NIN: variants seen among roughly 807,000 people sequenced by gnomAD.
The protein encoded by NIN is ninein.
Under a neutral mutation model 257.6 loss-of-function variants are expected in NIN, and 137 were observed. That is an observed-to-expected ratio of 0.53 (90% CI 0.46 to 0.61). The LOEUF (loss-of-function observed/expected upper bound fraction) is 0.61. Ranked by LOEUF, NIN falls within the 20% of genes least tolerant of loss-of-function variation. The pLI, the probability that NIN is intolerant of heterozygous loss-of-function variation, is 0.00. For synonymous variants in NIN, 918 were observed against 919.8 expected (o/e 1.00, Z 0.04); for missense variants, 2,439 against 2,501.2 (o/e 0.98, Z 0.53).
At chr14:50,818,342 C>G (rs940259193) in intron 3 of NIN, among the ~76,000 whole-genome samples, 3 of 142,842 alleles carry the variant, frequency 2.1e-5, no homozygotes, top group Non-Finnish European at 4.6e-5. Flanking sequence ...AAAAAAAACA[C>G]TGGATATAAC....
At chr14:50,798,368 C>T (rs1350508457) in intron 4 of NIN, among the ~76,000 whole-genome samples, 1 of 152,170 alleles carries the variant, frequency 6.6e-6, no homozygotes. Context: ...AACAGGGTGG[C>T]TTTGATTAGC....
At chr14:50,768,797 G>A (rs1226719387) in intron 12 of NIN, among the ~76,000 whole-genome samples, 1 of 152,218 alleles carries the variant, frequency 6.6e-6, no homozygotes, top group Non-Finnish European at 1.5e-5. Context: ...GGAGGTGGAA[G>A]AGATGGAAGA....
At position 50,757,806 on chromosome 14, in the gene NIN, T is replaced by C; in HGVS notation, c.3224A>G (p.Glu1075Gly). 1 of 1,614,186 alleles carries C rather than the reference T, an allele frequency of 6.2e-7. No individual in the cohort carries two copies. Among genetic ancestry groups the C allele is most frequent in the Non-Finnish European group, 8.5e-7 (1 of 1,180,026 alleles). ...TTTCACATTTTCCTTCACTGCCTGT[T>C]CATGAGCTCTCTGCAGGCTTAAGAG... is the stretch of plus-strand genomic sequence containing the variant. ...DVLLSLQRAH[E>G]QAVKENVKMA... The change falls in exon 18 of 31, where the codon GAA (glutamate) becomes GGA (glycine). Residue 1075 changes from glutamate to glycine, a missense_variant. Physicochemically the swap from Glu to Gly is moderately conservative, Grantham distance 98. Transcript: ENST00000530997.
chr14:50,743,328 T>G, intron 24 of NIN, 88 bp downstream of exon 24: 1 of 860,890 alleles, frequency 1.2e-6, no homozygotes, highest in South Asian at 1.4e-5. Context: ...ACGCTACTTC[T>G]ACCTGGAACA....
Position 50,761,890 on chromosome 14 carries a change from T to C in NIN, c.1796A>G (p.Asn599Ser), listed in dbSNP as rs745515094. 1.1e-5 allele frequency: 18 copies of C among 1,614,064 alleles called. No homozygotes were observed. The highest frequency in any genetic ancestry group is 1.4e-5 in the Non-Finnish European group (17 of 1,180,028). Residue 599 changes from asparagine to serine, a missense_variant, in exon 16 of 31, where the codon AAT becomes AGT. Asn to Ser is a conservative substitution (Grantham distance 46). This residue lies in a region of NIN where 2,043 missense variants were observed against 2,050.2 expected (regional missense o/e 1.00). Coordinates refer to ENST00000530997, the MANE Select transcript of NIN (RefSeq NM_020921.4). Reference sequence around the variant, plus strand: ...TGCCTCAATGCTCATATTCAATGGATTGCATTCTTCAGAACCGAGCCCTGA... The same window carrying C: ...TGCCTCAATGCTCATATTCAATGGACTGCATTCTTCAGAACCGAGCCCTGA... ...PEHGLGSEECNPLNMSIEAEL... is the reference protein window; with the variant it reads ...PEHGLGSEECSPLNMSIEAEL...
rs1241427198 is a variant in NIN, at chr14:50,772,487, T to A, written c.814-19A>T. ...CGAAAGACTGGAAGGAGGAAGAGAC[T>A]TGAGTAAGCCTAGCTTGATTCCAGG... On this transcript the variant is annotated intron_variant, in intron 8 of 30. Transcript: ENST00000530997. The A allele has an allele frequency of 6.2e-7, 1 of 1,612,852 alleles. No homozygotes were observed. Among genetic ancestry groups the A allele is most frequent in the Admixed American group, 1.7e-5 (1 of 59,998 alleles).
chr14:50,744,279 T>C lies in NIN; in HGVS notation c.5151A>G (p.Glu1717=). The C allele has an allele frequency of 6.2e-7, 1 of 1,614,108 alleles. No homozygotes were observed. Among genetic ancestry groups the C allele is most frequent in the South Asian group, 1.1e-5 (1 of 91,080 alleles). The change falls in exon 23 of 31, where the codon GAA becomes GAG. Residue 1717 remains glutamate (E), a synonymous_variant. Transcript: ENST00000530997. ...AGCTATTTAATTCCTCACTCAGAGC[T>C]TCCTTTTCTTTCAGCAGTTTTTCGT... ...SYNEKLLKEK[E]ALSEELNSCV...
At chr14:50,787,241 T>C (rs1223377097) in intron 5 of NIN, among the ~76,000 whole-genome samples, 1 of 152,216 alleles carries the variant, frequency 6.6e-6, no homozygotes, top group Non-Finnish European at 1.5e-5. Context: ...GTGTACCCTG[T>C]TTTCAACCAG....
chr14:50,759,013 T>C (rs901571598), intron 17 of NIN, among the ~76,000 whole-genome samples: 3 of 152,236 alleles, frequency 2.0e-5, no homozygotes, highest in Non-Finnish European at 4.4e-5. Flanking sequence ...AAGCATGCGT[T>C]ATAGGATATC....
intron 27 of NIN, among the ~76,000 whole-genome samples, chr14:50,737,548 G>C (rs992706193): frequency 6.9e-6 from 1 of 144,830 alleles, no homozygotes; most frequent in East Asian, 2.0e-4. Flanking sequence ...TCTAATATTC[G>C]AGTGATAAAT....
At chr14:50,765,736 A>T (rs1406420122) in intron 14 of NIN, among the ~76,000 whole-genome samples, 2 of 144,742 alleles carry the variant, frequency 1.4e-5, no homozygotes, top group East Asian at 2.0e-4. Flanking sequence ...ATGTATTCAG[A>T]AAAAAAAAAA....
Position 50,756,480 on chromosome 14 carries a change from T to C in NIN, c.4538+12A>G. ...TGTGGGATTCGTGACGTCTAGAAGG[T>C]ACATACATTACCTCAGAAGTTCAAC... is the stretch of plus-strand genomic sequence containing the variant. On this transcript the variant is annotated intron_variant, in intron 18 of 30. Transcript: ENST00000530997. The C allele has an allele frequency of 6.3e-7, 1 of 1,579,170 alleles. No homozygotes were observed. Among genetic ancestry groups the C allele is most frequent in the Non-Finnish European group, 8.6e-7 (1 of 1,165,582 alleles).
chr14:50,733,598 T>A (rs1273580086), intron 28 of NIN, among the ~76,000 whole-genome samples: 1 of 152,166 alleles, frequency 6.6e-6, no homozygotes, highest in Non-Finnish European at 1.5e-5. Context: ...TGGCTAATAA[T>A]GTTAATGGGT....
At chr14:50,731,399 A>G (rs1228766132) in intron 28 of NIN, among the ~76,000 whole-genome samples, 1 of 151,700 alleles carries the variant, frequency 6.6e-6, no homozygotes, top group Non-Finnish European at 1.5e-5. Flanking sequence ...GCATGGTGGC[A>G]CGTCGCCTTT....
chr14:50,726,059 T>G lies in NIN; in HGVS notation c.6086A>C (p.Gln2029Pro). ...TSETNTPQGN[Q>P]EQLVTVMEER... is the part of the protein sequence containing the mutation. ...CTCCATGACAGTTACCAGTTGTTCCTGGTTTCCCTGAAGGGAAGAAAAGTA... is the reference window on the plus strand; with the variant it reads ...CTCCATGACAGTTACCAGTTGTTCCGGGTTTCCCTGAAGGGAAGAAAAGTA... The change falls in exon 30 of 31, where the codon CAG becomes CCG. Residue 2029 changes from glutamine (Q) to proline (P), a missense_variant. Gln to Pro is a moderately conservative substitution (Grantham distance 76, BLOSUM62 -1). This residue lies in a region of NIN where 2,043 missense variants were observed against 2,050.2 expected (regional missense o/e 1.00). Transcript: ENST00000530997. 6.2e-7 allele frequency: 1 copy of G among 1,612,360 alleles called. No individual in the cohort carries two copies. The highest frequency in any genetic ancestry group is 8.5e-7 in the Non-Finnish European group (1 of 1,178,708).
chr14:50,764,643 TGAA>T (rs2042402437), intron 14 of NIN, among the ~76,000 whole-genome samples: 1 of 152,006 alleles, frequency 6.6e-6, no homozygotes, highest in African/African-American at 2.4e-5. Flanking sequence ...ATTCAAGAAA[TGAA>T]GAACTGATAC....
In NIN at chr14:50,757,231, T is replaced by C; in HGVS notation, c.3799A>G (p.Arg1267Gly). 6 of 1,614,200 alleles carry C rather than the reference T, an allele frequency of 3.7e-6. No individual in the cohort carries two copies. The highest frequency in any genetic ancestry group is 5.1e-6 in the Non-Finnish European group (6 of 1,180,040). Residue 1267 changes from arginine to glycine, a missense_variant, in exon 18 of 31, where the codon AGA becomes GGA. Coordinates refer to ENST00000530997, the MANE Select transcript of NIN (RefSeq NM_020921.4). ...TCATCGTAGCGTGTCTCCATCATTC[T>C]CAGCTCTTCCTGAAGGCAGTCATTT... ...RENDCLQEEL[R>G]MMETRYDEAL...
Position 50,778,800 on chromosome 14 carries a change from C to T in NIN, c.440G>A (p.Trp147Ter). The T allele has an allele frequency of 6.2e-7, 1 of 1,614,080 alleles. No homozygotes were observed. The highest frequency in any genetic ancestry group is 8.5e-7 in the Non-Finnish European group (1 of 1,179,990). Residue 147 changes from tryptophan (W) to a stop codon, truncating the protein, a stop_gained, in exon 6 of 31, where the codon TGG becomes TAG. Transcript: ENST00000530997. LOFTEE classifies it high-confidence loss of function. The stretch of plus-strand genomic sequence containing the variant: ...ATACTCCTCACTGCGTTGCGTCTTC[C>T]AGTGCTAGAGAAGGCAAGAGAAGAT... ...HIPAGDCSEHWKTQRSEEYEA... is the reference protein window; with the variant it reads ...HIPAGDCSEH
Position 50,756,906 on chromosome 14 carries a change from G to A in NIN, c.4124C>T (p.Pro1375Leu). The A allele has an allele frequency of 1.3e-6, 2 of 1,559,212 alleles. No homozygotes were observed. Among genetic ancestry groups the A allele is most frequent in the Non-Finnish European group, 1.7e-6 (2 of 1,150,354 alleles). ...GACATGATGTACACTCCTAACCCTG[G>A]GCACACACTCTTCCAGTGTCTGATT... is the stretch of plus-strand genomic sequence containing the variant. ...QLNQTLEECV[P>L]RVRSVHHVIE... is the part of the protein sequence containing the mutation. The change falls in exon 18 of 31, where the codon CCC (proline) becomes CTC (leucine). Residue 1375 changes from proline to leucine, a missense_variant. This residue lies in a region of NIN where 2,043 missense variants were observed against 2,050.2 expected (regional missense o/e 1.00). Transcript: ENST00000530997.
Sources: gnomAD v4.1 joint callset for allele counts (sites outside exome capture counted in the v4.1 genomes callset) on GRCh38, gnomAD v4.1.1 for gene constraint, gnomAD v4.1.1 regional missense constraint, MANE v1.5 for transcripts, NCBI Gene and HGNC (gene_info 2026-07-23, HGNC 2026-07-21) for gene names.